The following ARHGAP26 variants were observed in gnomAD, a reference collection of about 807,000 sequenced individuals.
ARHGAP26 encodes the protein Rho GTPase activating protein 26, also known as rho GTPase-activating protein 26.
ARHGAP26 carries 38 observed loss-of-function variants against 104.8 expected under a neutral mutation model. The ratio of observed to expected loss-of-function variants is 0.36; its 90% CI spans 0.28 to 0.48. The LOEUF is 0.48. Among genes scored for constraint, ARHGAP26 ranks in the 20% least tolerant of loss-of-function variants. ARHGAP26 has a pLI of 0.99. For missense variants in ARHGAP26, 704 were observed against 947.9 expected (o/e 0.74, Z 3.38); for synonymous variants, 341 against 340.0 (o/e 1.00, Z -0.03).
At chr5:142,872,167 AG>A (rs1755413732) in intron 1 of ARHGAP26, among the ~76,000 whole-genome samples, 1 of 151,076 alleles carries the variant, frequency 6.6e-6, no homozygotes, top group African/African-American at 2.4e-5. Context: ...TACACTGAGC[AG>A]GATGCACTGC....
intron 20 of ARHGAP26, among the ~76,000 whole-genome samples, chr5:143,183,460 A>G (rs1277945965): frequency 6.6e-6 from 1 of 152,210 alleles, no homozygotes; most frequent in African/African-American, 2.4e-5. Flanking sequence ...CATCTCAGCT[A>G]CTATTCTGGA....
At chr5:142,813,782 C>G (rs138646692) in intron 1 of ARHGAP26, among the ~76,000 whole-genome samples, 149 of 152,356 alleles carry the variant, frequency 9.8e-4, no homozygotes, top group African/African-American at 3.5e-3. Flanking sequence ...TTTCCAAATA[C>G]AGTCCCATTC....
chr5:142,929,373 A>G (rs1400972974), intron 10 of ARHGAP26, among the ~76,000 whole-genome samples: 1 of 152,206 alleles, frequency 6.6e-6, no homozygotes, highest in Admixed American at 6.5e-5. Flanking sequence ...ATTGTATAGG[A>G]ACTGACATGG....
At chr5:142,930,960 C>T (rs533038417) in intron 10 of ARHGAP26, among the ~76,000 whole-genome samples, 1 of 152,270 alleles carries the variant, frequency 6.6e-6, no homozygotes, top group Admixed American at 6.5e-5. Flanking sequence ...GGGTGTTGCT[C>T]AGCCTGTGTG....
Position 143,041,864 on chromosome 5 carries a change from T to G in ARHGAP26, c.1259T>G (p.Val420Gly). 6.3e-7 allele frequency: 1 copy of G among 1,599,126 alleles called. No homozygotes were observed. Among genetic ancestry groups the G allele is most frequent in the Non-Finnish European group, 8.5e-7 (1 of 1,172,508 alleles). The change falls in exon 14 of 23, where the codon GTG becomes GGG. Residue 420 changes from valine to glycine, a missense_variant. Val to Gly is a moderately radical substitution (Grantham distance 109). Transcript: ENST00000645722. ...LYRIVGVNSR[V>G]QKLLSVLMDP... Reference sequence around the variant, plus strand: ...CGAATTGTGGGTGTCAACTCCAGAGTGCAGAAGTTGCTGAGTGTCCTGATG... The same window carrying G: ...CGAATTGTGGGTGTCAACTCCAGAGGGCAGAAGTTGCTGAGTGTCCTGATG...
intron 17 of ARHGAP26, among the ~76,000 whole-genome samples, chr5:143,096,776 A>G (rs1021165338): frequency 1.4e-4 from 22 of 152,120 alleles, no homozygotes; most frequent in African/African-American, 5.1e-4. Context: ...CATGCGAAGC[A>G]TCACAGTTCA....
At chr5:142,771,523 T>A (rs1459071110) in intron 1 of ARHGAP26, 2 of 841,046 alleles carry the variant, frequency 2.4e-6, no homozygotes, top group African/African-American at 1.8e-5. Context: ...GTGCGCAGGT[T>A]CTGATTCTTG....
At chr5:142,930,717 A>G (rs1764592583) in intron 10 of ARHGAP26, among the ~76,000 whole-genome samples, 1 of 151,852 alleles carries the variant, frequency 6.6e-6, no homozygotes. Flanking sequence ...CCCCTACCCC[A>G]TGCCCCTTGT....
chr5:142,877,663 G>A (rs559813959), intron 3 of ARHGAP26, among the ~76,000 whole-genome samples: 3 of 152,192 alleles, frequency 2.0e-5, no homozygotes, highest in African/African-American at 7.2e-5. Context: ...GAGCACTTTC[G>A]TTTTATAAGC....
At chr5:143,067,034 C>T (rs1213776262) in intron 17 of ARHGAP26, among the ~76,000 whole-genome samples, 1 of 151,388 alleles carries the variant, frequency 6.6e-6, no homozygotes, top group Non-Finnish European at 1.5e-5. Flanking sequence ...CCCTCCTCTG[C>T]CCCTCCCCCT....
intron 11 of ARHGAP26, among the ~76,000 whole-genome samples, chr5:142,989,371 G>T (rs1278674978): frequency 6.6e-6 from 1 of 151,116 alleles, no homozygotes; most frequent in Non-Finnish European, 1.5e-5. Context: ...CCTTTATTTT[G>T]AGCCTATGTG....
chr5:143,045,020 T>G (rs924580790), intron 14 of ARHGAP26, among the ~76,000 whole-genome samples: 2 of 152,184 alleles, frequency 1.3e-5, no homozygotes, highest in Non-Finnish European at 2.9e-5. Flanking sequence ...AAAAGAAATA[T>G]GACATTTTAG....
intron 1 of ARHGAP26, among the ~76,000 whole-genome samples, chr5:142,805,903 C>T (rs939942594): frequency 6.6e-6 from 1 of 152,118 alleles, no homozygotes; most frequent in African/African-American, 2.4e-5. Context: ...GTCCTTAACC[C>T]GGAAGTAGCA....
At chr5:143,006,027 A>G (rs988261557) in intron 11 of ARHGAP26, among the ~76,000 whole-genome samples, 3 of 152,206 alleles carry the variant, frequency 2.0e-5, no homozygotes, top group Non-Finnish European at 4.4e-5. Context: ...ATTCGTTGTC[A>G]CCTGGTGGAT....
At chr5:142,894,694 C>G (rs1240343035) in intron 6 of ARHGAP26, among the ~76,000 whole-genome samples, 1 of 152,218 alleles carries the variant, frequency 6.6e-6, no homozygotes, top group East Asian at 1.9e-4. Context: ...CTTAACTTCC[C>G]TCCTCTCTCC....
chr5:143,197,271 A>G (rs542628052), intron 20 of ARHGAP26, among the ~76,000 whole-genome samples: 12 of 152,218 alleles, frequency 7.9e-5, no homozygotes, highest in African/African-American at 2.9e-4. Context: ...TGGTATCTTC[A>G]CCTTTGCTAG....
chr5:142,781,379 T>C (rs1006177877), intron 1 of ARHGAP26, among the ~76,000 whole-genome samples: 1 of 152,220 alleles, frequency 6.6e-6, no homozygotes, highest in Non-Finnish European at 1.5e-5. Context: ...TTTTTCTAAA[T>C]ATCTTCAAAT....
At chr5:142,865,249 T>G (rs534916255) in intron 1 of ARHGAP26, among the ~76,000 whole-genome samples, 1 of 152,304 alleles carries the variant, frequency 6.6e-6, no homozygotes, top group African/African-American at 2.4e-5. Context: ...CGGTCATTGA[T>G]CCAGTAAATG....
intron 11 of ARHGAP26, among the ~76,000 whole-genome samples, chr5:143,009,289 A>G (rs1265227418): frequency 6.6e-6 from 1 of 152,062 alleles, no homozygotes; most frequent in Non-Finnish European, 1.5e-5. Context: ...TCTCACCTTT[A>G]TCATCGTCAG....
Sources: gnomAD v4.1 joint callset for allele counts (sites outside exome capture counted in the v4.1 genomes callset) on GRCh38, gnomAD v4.1.1 for gene constraint, MANE v1.5 for transcripts, NCBI Gene and HGNC (gene_info 2026-07-23, HGNC 2026-07-21) for gene names.